Variants in CD274 observed in about 807,000 individuals in gnomAD.
The protein encoded by CD274 is CD274 molecule, also known as programmed cell death 1 ligand 1.
In CD274, 8 loss-of-function variants were observed where a neutral mutation model predicts 30.1. The observed-to-expected ratio is 0.27, with a 90% CI of 0.16 to 0.48. The LOEUF is 0.48. CD274 is among the 20% of genes least tolerant of loss of function. CD274 has a pLI of 0.99. For missense variants in CD274, 353 were observed against 346.6 expected (o/e 1.02, Z -0.15); for synonymous variants, 152 against 124.6 (o/e 1.22, Z -1.46).
intron 5 of CD274, among the ~76,000 whole-genome samples, 191 bp from the exon 6 acceptor site, chr9:5,466,579 T>G (rs1373957772): frequency 6.6e-6 from 1 of 151,866 alleles, no homozygotes; most frequent in Non-Finnish European, 1.5e-5. Context: ...CAAGAACATC[T>G]AGGATCAAAA....
rs551514059 is a variant in CD274 at position 5,450,970 on chromosome 9, A to G, written c.-15+374A>G. ...GTCCACCGCCAGCTGCTTGCTAGTA[A>G]CATGACTTGTGTAAGTTATCCCAGC... On this transcript the variant is annotated intron_variant, in intron 1 of 6. Transcript: ENST00000381577. Among the ~76,000 whole-genome samples, 3 of 152,332 alleles carry G rather than the reference A, an allele frequency of 2.0e-5. No homozygotes were observed. The East Asian group carries it at 5.8e-4, about 29-fold the overall frequency.
intron 1 of CD274, among the ~76,000 whole-genome samples, chr9:5,454,493 C>T (rs546200626): frequency 2.6e-5 from 4 of 152,102 alleles, no homozygotes; most frequent in South Asian, 4.2e-4. Context: ...AAAATCAGTA[C>T]ATGTACATAT....
At chr9:5,464,058 A>G (rs1385201587) in intron 4 of CD274, among the ~76,000 whole-genome samples, 1 of 152,232 alleles carries the variant, frequency 6.6e-6, no homozygotes, top group Non-Finnish European at 1.5e-5. Context: ...CAACTGAAAA[A>G]TTAGATAGAA....
intron 4 of CD274, chr9:5,463,350 G>A (rs1249148132): frequency 1.9e-6 from 1 of 530,720 alleles, no homozygotes; most frequent in Non-Finnish European, 3.4e-6. Flanking sequence ...TCCATGCATT[G>A]TAGTACTCAT....
intron 3 of CD274, among the ~76,000 whole-genome samples, chr9:5,460,436 T>C (rs952772474): frequency 6.6e-6 from 1 of 152,186 alleles, no homozygotes; most frequent in Non-Finnish European, 1.5e-5. Flanking sequence ...TGCTTCATCA[T>C]GTAAGATGAG....
intron 6 of CD274, 113 bp downstream of exon 6, chr9:5,466,942 T>C (rs1819506987): frequency 1.3e-6 from 1 of 755,796 alleles, no homozygotes. Context: ...AGAATGCTGG[T>C]TCCCCTTTGC....
chr9:5,466,229 A>G (rs1819495894), intron 5 of CD274, among the ~76,000 whole-genome samples: 1 of 152,212 alleles, frequency 6.6e-6, no homozygotes. Flanking sequence ...GAAGTAGAAT[A>G]TGGAAGGGGA....
At chr9:5,467,275 A>C (rs1177817360) in intron 6 of CD274, among the ~76,000 whole-genome samples, 1 of 152,152 alleles carries the variant, frequency 6.6e-6, no homozygotes, top group East Asian at 1.9e-4. Flanking sequence ...CAGAGGGTCA[A>C]GAAGATAATG....
At chr9:5,454,013 T>A (rs1819254157) in intron 1 of CD274, among the ~76,000 whole-genome samples, 2 of 152,204 alleles carry the variant, frequency 1.3e-5, no homozygotes, top group Admixed American at 6.5e-5. Context: ...TTTCTGTAAT[T>A]CCATTATATT....
intron 1 of CD274, 61 bp from the exon 2 acceptor site, chr9:5,456,039 G>A: frequency 1.1e-6 from 1 of 945,066 alleles, no homozygotes; most frequent in Non-Finnish European, 1.7e-6. Flanking sequence ...GTCCCATATT[G>A]TCATATTGTA....
intron 4 of CD274, chr9:5,463,338 G>A: frequency 3.6e-6 from 2 of 558,840 alleles, no homozygotes; most frequent in East Asian, 6.0e-5. Flanking sequence ...TATACCTTTT[G>A]TTCCATGCAT....
chr9:5,465,872 A>C (rs1370864364), intron 5 of CD274: 1 of 244,838 alleles, frequency 4.1e-6, no homozygotes, highest in African/African-American at 2.2e-5. Context: ...ACAGACTTAC[A>C]GAAGAGAAAG....
chr9:5,457,256 A>G lies in CD274; in HGVS notation c.230A>G (p.Gln77Arg), dbSNP rs2131212055. 1 of 1,614,108 alleles carries G rather than the reference A, an allele frequency of 6.2e-7. No homozygotes were observed. The highest frequency in any genetic ancestry group is 1.7e-4 in the Middle Eastern group (1 of 6,060). ...CATGGAGAGGAAGACCTGAAGGTTC[A>G]GCATAGTAGCTACAGACAGAGGGCC... Reference protein sequence around the residue: ...FVHGEEDLKVQHSSYRQRARL... With the variant: ...FVHGEEDLKVRHSSYRQRARL... Residue 77 changes from glutamine to arginine, a missense_variant, in exon 3 of 7, where the codon CAG (glutamine) becomes CGG (arginine). Gln to Arg is a conservative substitution (Grantham distance 43). Coordinates refer to ENST00000381577, the MANE Select transcript of CD274 (RefSeq NM_014143.4).
intron 5 of CD274, 89 bp downstream of exon 5, chr9:5,465,695 T>A: frequency 1.3e-6 from 1 of 773,084 alleles, no homozygotes; most frequent in Non-Finnish European, 2.2e-6. Flanking sequence ...CGACTTAACC[T>A]CTGCAAGGTG....
At chr9:5,465,633 T>A in intron 5 of CD274, 27 bp downstream of exon 5, 2 of 1,294,822 alleles carry the variant, frequency 1.5e-6, no homozygotes, top group Non-Finnish European at 2.2e-6. Context: ...TGCAGTGGTC[T>A]CCACTGGGGG....
chr9:5,453,585 T>C (rs1171417353), intron 1 of CD274, among the ~76,000 whole-genome samples: 1 of 152,204 alleles, frequency 6.6e-6, no homozygotes, highest in Non-Finnish European at 1.5e-5. Context: ...TTAAATATTA[T>C]GGAACTGTTA....
At chr9:5,461,630 T>G (rs1314992631) in intron 3 of CD274, among the ~76,000 whole-genome samples, 2 of 152,110 alleles carry the variant, frequency 1.3e-5, no homozygotes, top group Admixed American at 6.6e-5. Flanking sequence ...GTGGTTACAC[T>G]ATAGTATTAG....
Position 5,467,835 on chromosome 9 carries a change from T to G in CD274, c.851-5T>G. 1 of 1,606,932 alleles carries G rather than the reference T, an allele frequency of 6.2e-7. No individual in the cohort carries two copies. Among genetic ancestry groups the G allele is most frequent in the Non-Finnish European group, 8.5e-7 (1 of 1,173,494 alleles). Reference sequence around the variant, plus strand: ...TGAAATTAATATACTATTATCACTCTCCAGATACACATTTGGAGGAGACGT... The same window carrying G: ...TGAAATTAATATACTATTATCACTCGCCAGATACACATTTGGAGGAGACGT... On this transcript the variant is annotated splice_polypyrimidine_tract_variant and splice_region_variant and intron_variant, in intron 6 of 6. Coordinates refer to ENST00000381577, the MANE Select transcript of CD274 (RefSeq NM_014143.4).
intron 3 of CD274, among the ~76,000 whole-genome samples, chr9:5,458,390 T>C (rs1340994240): frequency 4.6e-5 from 7 of 152,220 alleles, no homozygotes; most frequent in Admixed American, 3.9e-4. Flanking sequence ...ATCCCTTCCA[T>C]ATCCTGTTGA....
Sources: gnomAD v4.1 joint callset for allele counts (sites outside exome capture counted in the v4.1 genomes callset) on GRCh38, gnomAD v4.1.1 for gene constraint, MANE v1.5 for transcripts, NCBI Gene and HGNC (gene_info 2026-07-23, HGNC 2026-07-21) for gene names.